UBR4: variants seen among roughly 807,000 people sequenced by gnomAD.
UBR4 encodes E3 ubiquitin-protein ligase UBR4.
Under a neutral mutation model 575.6 loss-of-function variants are expected in UBR4, and 124 were observed. That is an observed-to-expected ratio of 0.22 (90% confidence interval 0.19 to 0.25). UBR4 has a LOEUF of 0.25. Ranked by LOEUF, UBR4 falls within the 10% of genes least tolerant of loss-of-function variation. UBR4 has a pLI of 1.00. For missense variants in UBR4, 4,818 were observed against 6,478.8 expected (o/e 0.74, Z 8.80); for synonymous variants, 2,455 against 2,473.7 (o/e 0.99, Z 0.22).
At chr1:19,154,788 G>A in intron 44 of UBR4, 130 bp downstream of exon 44, 1 of 1,306,202 alleles carries the variant, frequency 7.7e-7, no homozygotes, top group Non-Finnish European at 1.1e-6. Context: ...TACCTAGCAG[G>A]GGAGAAAAAA....
rs2079124971 is a variant in UBR4, at chr1:19,105,790, A to G, written c.12446T>C (p.Val4149Ala). Residue 4149 changes from valine to alanine, a missense_variant, in exon 84 of 106, where the codon GTG (valine) becomes GCG (alanine). Coordinates refer to ENST00000375254, the MANE Select transcript of UBR4 (RefSeq NM_020765.3). ...QAARQAACTI[V>A]EALATIPSRK... ...GCTGGGAATGGTGGCTAGAGCTTCC[A>G]CAATGGTACAGGCTGCCTGCCGTGC... is the stretch of plus-strand genomic sequence containing the variant. 6.2e-7 allele frequency: 1 copy of G among 1,611,128 alleles called. No individual in the cohort carries two copies. Among genetic ancestry groups the G allele is most frequent in the Non-Finnish European group, 8.5e-7 (1 of 1,179,202 alleles).
chr1:19,201,612 A>G, intron 2 of UBR4, 106 bp downstream of exon 2: 1 of 973,518 alleles, frequency 1.0e-6, no homozygotes, highest in South Asian at 1.6e-5. Context: ...TAGGAGTGCT[A>G]AAACCTAGAC....
At position 19,185,302 on chromosome 1, in the gene UBR4, T is replaced by A. The variant is rs184977501; in HGVS notation, c.1751-16A>T. ...CTGTCATCGTCTGAATAGAGAAAGA[T>A]AAAGTAACGAAAATAAATATTTTTT... is the stretch of plus-strand genomic sequence containing the variant. On this transcript the variant is annotated splice_polypyrimidine_tract_variant and intron_variant, in intron 14 of 105. Transcript: ENST00000375254. The A allele has an allele frequency of 2.3e-5, 35 of 1,512,694 alleles. No individual in the cohort carries two copies. In the African/African-American group the frequency reaches 4.4e-4, roughly 19 times the overall value. 93.7% of individuals were successfully genotyped at this position (1,512,694 alleles called of 1,614,324 possible).
At chr1:19,190,312 A>AAAAAAAAATATATATATATAT in intron 11 of UBR4, among the ~76,000 whole-genome samples, 91 of 79,802 alleles carry the variant, frequency 1.1e-3, no homozygotes, top group African/African-American at 2.5e-3. Flanking sequence ...AAAAAAAAAA[A>AAAAAAAAATATATATATATAT]ATATATATAT....
intron 1 of UBR4, among the ~76,000 whole-genome samples, chr1:19,207,792 A>G (rs1244906427): frequency 6.6e-6 from 1 of 152,206 alleles, no homozygotes; most frequent in Non-Finnish European, 1.5e-5. Flanking sequence ...AAAAAAATCA[A>G]AAGAATAGTT....
chr1:19,084,617 G>C lies in UBR4; in HGVS notation c.14895C>G (p.Phe4965Leu), dbSNP rs144501472. The change falls in exon 102 of 106, where the codon TTC becomes TTG. Residue 4965 changes from phenylalanine to leucine, a missense_variant. Transcript: ENST00000375254. ...QLNIHDIKLL[F>L]LRFAMEQSFS... Reference sequence around the variant, plus strand: ...ACGACTGCTCCATGGCGAAGCGCAGGAAGAGCAGTTTGATGTCATGGATGT... The same window carrying C: ...ACGACTGCTCCATGGCGAAGCGCAGCAAGAGCAGTTTGATGTCATGGATGT... 11 of 1,614,052 alleles carry C rather than the reference G, an allele frequency of 6.8e-6. No homozygotes were observed. The highest frequency in any genetic ancestry group is 1.3e-5 in the African/African-American group (1 of 74,942).
Position 19,126,654 on chromosome 1 carries a change from G to T in UBR4, c.9230C>A (p.Ser3077Ter). 1.2e-6 allele frequency: 2 copies of T among 1,612,894 alleles called. No homozygotes were observed. The highest frequency in any genetic ancestry group is 2.2e-5 in the South Asian group (2 of 90,964). ...TGTGGCACTGGAGATGAGGGAAGAT[G>T]ACTGGGAGACAGAGAAAATACAGAG... is the stretch of plus-strand genomic sequence containing the variant. ...KSGSKSSICE[S>*]SSLISSATAA... The change falls in exon 64 of 106, where the codon TCA becomes TAA. Residue 3077 changes from serine to a stop codon, truncating the protein, a stop_gained and splice_region_variant. Coordinates refer to ENST00000375254, the MANE Select transcript of UBR4 (RefSeq NM_020765.3). LOFTEE classifies it high-confidence loss of function.
In UBR4 at chr1:19,113,989, T is replaced by C; in HGVS notation, c.11284A>G (p.Asn3762Asp). 1 of 1,614,186 alleles carries C rather than the reference T, an allele frequency of 6.2e-7. No homozygotes were observed. The highest frequency in any genetic ancestry group is 8.5e-7 in the Non-Finnish European group (1 of 1,180,026). Residue 3762 changes from asparagine to aspartate, a missense_variant, in exon 76 of 106, where the codon AAC (asparagine) becomes GAC (aspartate). Asn to Asp is a conservative substitution (Grantham distance 23). Around this residue, in one of 29 missense-constraint regions of UBR4, gnomAD observed 333 missense variants for 459.2 expected, o/e 0.73. Coordinates refer to ENST00000375254, the MANE Select transcript of UBR4 (RefSeq NM_020765.3). ...QLMGHRPQLE[N>D]LLCKVNEAAP... ...GCCTCATTCACTTTGCAGAGCAGGT[T>C]CTCCAGCTGTGGCCGGTGTCCCATC...
intron 17 of UBR4, 59 bp from the exon 18 acceptor site, chr1:19,179,279 G>A (rs1265270578): frequency 1.2e-5 from 17 of 1,443,772 alleles, no homozygotes; most frequent in Middle Eastern, 1.9e-4. Flanking sequence ...AAGTCAAAAG[G>A]TTACTCATGT....
chr1:19,149,220 G>A (rs2085308646), intron 49 of UBR4, among the ~76,000 whole-genome samples: 1 of 152,104 alleles, frequency 6.6e-6, no homozygotes, highest in South Asian at 2.1e-4. Flanking sequence ...TACTATTAAA[G>A]GTACCAAGTA....
intron 17 of UBR4, among the ~76,000 whole-genome samples, chr1:19,183,328 T>C (rs2091200098): frequency 6.6e-6 from 1 of 152,208 alleles, no homozygotes; most frequent in Non-Finnish European, 1.5e-5. Flanking sequence ...ATATTTTTTT[T>C]TCTGGAAATG....
intron 52 of UBR4, chr1:19,146,228 G>A (rs536063360): frequency 2.8e-6 from 2 of 713,554 alleles, no homozygotes; most frequent in South Asian, 1.9e-5. Context: ...AAAACGTAGA[G>A]GAACATCTGA....
rs1392862327 is a variant in UBR4, at chr1:19,198,010, C to T, written c.688G>A (p.Ala230Thr). 1 of 1,614,124 alleles carries T rather than the reference C, an allele frequency of 6.2e-7. No individual in the cohort carries two copies. The highest frequency in any genetic ancestry group is 1.3e-5 in the African/African-American group (1 of 75,050). ...ENDEQSSTDQASAIKTKNVFI... is the reference protein window; with the variant it reads ...ENDEQSSTDQTSAIKTKNVFI... ...ACATTCTTGGTTTTGATAGCTGAGG[C>T]TTGATCTGTAGATGACTGCTCATCA... is the stretch of plus-strand genomic sequence containing the variant. The change falls in exon 6 of 106, where the codon GCC becomes ACC. Residue 230 changes from alanine (A) to threonine (T), a missense_variant. Physicochemically the swap from Ala to Thr is moderately conservative, Grantham distance 58. Coordinates refer to ENST00000375254, the MANE Select transcript of UBR4 (RefSeq NM_020765.3).
Position 19,110,941 on chromosome 1 carries a change from C to A in UBR4, c.11802-109G>T. Reference sequence around the variant, plus strand: ...GAAATCAATGTCTAAGGCTACCTGGCCCCAAATTTTCTACTTCCTTCCCGG... The same window carrying A: ...GAAATCAATGTCTAAGGCTACCTGGACCCAAATTTTCTACTTCCTTCCCGG... On this transcript the variant is annotated intron_variant, in intron 78 of 105. Coordinates refer to ENST00000375254, the MANE Select transcript of UBR4 (RefSeq NM_020765.3). The surrounding 1 kb of genome is among the most constrained non-coding windows in gnomAD (Gnocchi z 4.5). 8.7e-7 allele frequency: 1 copy of A among 1,146,222 alleles called. No individual in the cohort carries two copies. The highest frequency in any genetic ancestry group is 1.2e-6 in the Non-Finnish European group (1 of 810,988). 71.0% of individuals were successfully genotyped at this position (1,146,222 alleles called of 1,614,324 possible). A position where few individuals can be genotyped will look rare whatever the true frequency, so the allele number is the denominator to read the frequency against.
rs1267483439 is a variant in UBR4 at position 19,081,437 on chromosome 1, C to T, written c.15145G>A (p.Glu5049Lys). ...TCCACACGTGTGGCTCTCCACTGCT[C>T]AGGGGGCAGGATGTGAAGGGCCAAG... ...TVLALHILPP[E>K]QWRATRVEIL... The change falls in exon 103 of 106, where the codon GAG becomes AAG. Residue 5049 changes from glutamate (E) to lysine (K), a missense_variant. Transcript: ENST00000375254. 6.2e-7 allele frequency: 1 copy of T among 1,614,082 alleles called. No individual in the cohort carries two copies.
At chr1:19,079,463 T>TC (rs2076273979) in intron 103 of UBR4, 1 of 152,206 alleles carries the variant, frequency 6.6e-6, no homozygotes, top group Non-Finnish European at 1.5e-5. Flanking sequence ...AGATAACAGA[T>TC]CAAGTTCTGA....
chr1:19,081,787 C>G, intron 102 of UBR4: 2 of 694,170 alleles, frequency 2.9e-6, no homozygotes, highest in South Asian at 3.0e-5. Context: ...GCGGCATCTT[C>G]CCTTCTTCCC....
In UBR4 at chr1:19,176,746, T is replaced by G. The variant is rs187758300; in HGVS notation, c.2638-19A>C. The G allele has an allele frequency of 1.2e-6, 2 of 1,610,794 alleles. No homozygotes were observed. Among genetic ancestry groups the G allele is most frequent in the African/African-American group, 2.7e-5 (2 of 74,924 alleles). ...GCTGTACCTTTTAAAACACAAATAC[T>G]GAAATTAAGAAAGATACACAGTCAC... On this transcript the variant is annotated intron_variant, in intron 19 of 105. Coordinates refer to ENST00000375254, the MANE Select transcript of UBR4 (RefSeq NM_020765.3).
intron 60 of UBR4, among the ~76,000 whole-genome samples, chr1:19,134,733 G>T (rs1328276402): frequency 1.3e-5 from 2 of 151,788 alleles, no homozygotes; most frequent in Non-Finnish European, 2.9e-5. Context: ...TGGACAGTGG[G>T]GAAGGTCTTC....
Sources: gnomAD v4.1 joint callset for allele counts (sites outside exome capture counted in the v4.1 genomes callset) on GRCh38, gnomAD v4.1.1 for gene constraint, gnomAD v4.1.1 regional missense constraint, Gnocchi (gnomAD v3.1) non-coding constraint, MANE v1.5 for transcripts, NCBI Gene and HGNC (gene_info 2026-07-23, HGNC 2026-07-21) for gene names.